The following LCOR variants were observed in gnomAD, a reference collection of about 807,000 sequenced individuals.
The protein encoded by LCOR is ligand-dependent corepressor.
LCOR carries 14 observed loss-of-function variants against 64.4 expected under a neutral mutation model. That is an observed-to-expected ratio of 0.22 (90% confidence interval 0.14 to 0.34). The LOEUF (loss-of-function observed/expected upper bound fraction) is 0.34. Among genes scored for constraint, LCOR ranks in the 10% least tolerant of loss-of-function variants. The pLI is 1.00. For synonymous variants in LCOR, 643 were observed against 642.5 expected (o/e 1.00, Z -0.01); for missense variants, 1,686 against 1,765.3 (o/e 0.96, Z 0.80).
intron 2 of LCOR, among the ~76,000 whole-genome samples, chr10:96,905,177 A>G (rs1846706689): frequency 6.6e-6 from 1 of 151,982 alleles, no homozygotes; most frequent in South Asian, 2.1e-4. Flanking sequence ...CTTCTTTAAA[A>G]TTTTTATCTC....
Position 96,933,408 on chromosome 10 carries a change from TGATA to T in LCOR, c.-183-10704_-183-10701del, listed in dbSNP as rs530498901. On this transcript the variant is annotated intron_variant, in intron 4 of 7. Coordinates refer to ENST00000421806, the MANE Select transcript of LCOR (RefSeq NM_001346516.2). ...ATGATTGTGGCTTATAAATTTTTAT[TGATA>T]AATGGTGAAACCTTTATTTATATAG... Among the ~76,000 whole-genome samples the T allele has an allele frequency of 9.5e-4, 144 of 152,352 alleles. 1 individual carries two copies. Among genetic ancestry groups the T allele is most frequent in the African/African-American group, 3.3e-3 (138 of 41,588 alleles).
At chr10:96,898,529 A>G (rs1394910850) in intron 2 of LCOR, among the ~76,000 whole-genome samples, 2 of 152,218 alleles carry the variant, frequency 1.3e-5, no homozygotes, top group Non-Finnish European at 2.9e-5. Context: ...TGAAGGGTGG[A>G]TTCTGGTGGT....
At chr10:96,961,201 C>T (rs755483700) in intron 7 of LCOR, 4 of 152,004 alleles carry the variant, frequency 2.6e-5, no homozygotes, top group Non-Finnish European at 4.4e-5. Flanking sequence ...AAATGAGAAT[C>T]GAGGCTAATT....
chr10:96,989,688 T>G lies in LCOR; in HGVS notation c.*4554T>G, dbSNP rs949524725. The stretch of plus-strand genomic sequence containing the variant: ...TCAAGGATAAGGATATATATATATA[T>G]ATATATATTTTTTTTTTTTTTTTTT... On this transcript the variant is annotated 3_prime_UTR_variant, in exon 8 of 8. Transcript: ENST00000421806. 1.3e-5 allele frequency: 1 copy of G among 78,446 alleles called. No homozygotes were observed. Among genetic ancestry groups the G allele is most frequent in the African/African-American group, 7.5e-5 (1 of 13,420 alleles). The allele number at this position is 78,446 out of a possible 1,614,324, so 4.9% of individuals were successfully genotyped here.
At chr10:96,958,352 A>G in intron 7 of LCOR, 1 of 1,532,682 alleles carries the variant, frequency 6.5e-7, no homozygotes, top group Non-Finnish European at 8.7e-7. Context: ...AAATTTTGTC[A>G]TTGTAGTGTA....
intron 2 of LCOR, among the ~76,000 whole-genome samples, chr10:96,862,883 CTTTT>C (rs1384673987): frequency 7.0e-6 from 1 of 142,108 alleles, no homozygotes; most frequent in African/African-American, 2.6e-5. Context: ...CTTTTCTTTT[CTTTT>C]TTTTTTTTTT....
At chr10:96,832,473 T>C (rs1447695389) in intron 1 of LCOR, 74 bp downstream of exon 1, 6 of 504,684 alleles carry the variant, frequency 1.2e-5, no homozygotes, top group Non-Finnish European at 1.5e-5. Context: ...GGGAGGAAGC[T>C]GGGGAAGTGG....
chr10:96,869,179 T>C (rs999300249), intron 2 of LCOR, among the ~76,000 whole-genome samples: 1 of 152,160 alleles, frequency 6.6e-6, no homozygotes, highest in African/African-American at 2.4e-5. Flanking sequence ...AGTGCTGGGA[T>C]TACAGGAGTG....
intron 2 of LCOR, among the ~76,000 whole-genome samples, chr10:96,884,357 A>G (rs548815842): frequency 6.6e-6 from 1 of 152,234 alleles, no homozygotes; most frequent in African/African-American, 2.4e-5. Flanking sequence ...TCCTGGGAGC[A>G]ACATATTTGA....
chr10:96,885,190 A>G (rs1846322011), intron 2 of LCOR, among the ~76,000 whole-genome samples: 1 of 152,210 alleles, frequency 6.6e-6, no homozygotes, highest in Admixed American at 6.5e-5. Flanking sequence ...ATTTACGGAA[A>G]TGCAGTGCTT....
chr10:96,931,817 G>A (rs1847265785), intron 4 of LCOR, among the ~76,000 whole-genome samples: 1 of 152,146 alleles, frequency 6.6e-6, no homozygotes, highest in African/African-American at 2.4e-5. Context: ...CAAGAAAAAA[G>A]TAAGATAATA....
At chr10:96,884,015 T>C (rs997188003) in intron 2 of LCOR, among the ~76,000 whole-genome samples, 1 of 151,504 alleles carries the variant, frequency 6.6e-6, no homozygotes, top group Non-Finnish European at 1.5e-5. Flanking sequence ...ATAACATATT[T>C]CAAATGTTTA....
intron 7 of LCOR, among the ~76,000 whole-genome samples, chr10:96,979,491 C>T (rs1457975764): frequency 6.6e-6 from 1 of 152,190 alleles, no homozygotes; most frequent in African/African-American, 2.4e-5. Context: ...CCACTGTCTG[C>T]GCTAAGCTCT....
At chr10:96,858,042 G>A (rs1217525188) in intron 2 of LCOR, among the ~76,000 whole-genome samples, 1 of 152,182 alleles carries the variant, frequency 6.6e-6, no homozygotes, top group Non-Finnish European at 1.5e-5. Flanking sequence ...ACTAAGATGA[G>A]AAAGAGGGAG....
Position 96,984,305 on chromosome 10 carries a change from C to T in LCOR, c.3845C>T (p.Ser1282Phe). ...AGTGATGTCAGCCCCGGCCCTAATT[C>T]TGAAGACAGCATAGAGGAAGTCAAG... Reference protein sequence around the residue: ...DGSDVSPGPNSEDSIEEVKED... With the variant: ...DGSDVSPGPNFEDSIEEVKED... The change falls in exon 8 of 8, where the codon TCT (serine) becomes TTT (phenylalanine). Residue 1282 changes from serine (S) to phenylalanine (F), a missense_variant. Ser to Phe is a radical substitution (Grantham distance 155). Coordinates refer to ENST00000421806, the MANE Select transcript of LCOR (RefSeq NM_001346516.2). 1 of 1,614,118 alleles carries T rather than the reference C, an allele frequency of 6.2e-7. No homozygotes were observed. Among genetic ancestry groups the T allele is most frequent in the Non-Finnish European group, 8.5e-7 (1 of 1,180,036 alleles).
intron 6 of LCOR, 76 bp downstream of exon 6, chr10:96,949,371 A>G (rs1847639574): frequency 1.5e-6 from 2 of 1,320,536 alleles, no homozygotes; most frequent in Non-Finnish European, 1.1e-6. Context: ...AGCATTGGCA[A>G]GTAGAGCATC....
rs189466327 is a variant in LCOR at position 96,865,955 on chromosome 10, A to G, written c.-330+32476A>G. 3.0e-3 allele frequency among the ~76,000 whole-genome samples: 455 copies of G among 152,014 alleles called. 3 individuals are homozygous for G. Among genetic ancestry groups the G allele is most frequent in the African/African-American group, 0.01 (434 of 41,468 alleles). On this transcript the variant is annotated intron_variant, in intron 2 of 7. Transcript: ENST00000421806. ...GTTTGCTAATATCCTTTTCTGGCCA[A>G]TCTCTTACTGCCACAGTAACTGATT...
chr10:96,958,431 A>T (rs1847819574), intron 7 of LCOR: 5 of 1,369,080 alleles, frequency 3.7e-6, no homozygotes, highest in Non-Finnish European at 4.0e-6. Flanking sequence ...ATCGAGCAGC[A>T]GAAGAATGGT....
intron 2 of LCOR, among the ~76,000 whole-genome samples, chr10:96,891,755 G>C (rs1383479260): frequency 6.6e-6 from 1 of 151,756 alleles, no homozygotes; most frequent in African/African-American, 2.4e-5. Context: ...TGTTGGCCAG[G>C]CTAGTTGCGA....
Sources: allele counts gnomAD v4.1 joint callset (sites outside exome capture counted in the v4.1 genomes callset), GRCh38; gene constraint gnomAD v4.1.1; transcripts MANE v1.5; gene names NCBI Gene and HGNC (gene_info 2026-07-23, HGNC 2026-07-21).